Variants in SAMSN1 observed in about 807,000 individuals in gnomAD.
SAMSN1 encodes SAM domain, SH3 domain and nuclear localization signals 1.
Under a neutral mutation model 42.0 loss-of-function variants are expected in SAMSN1, and 31 were observed. The observed-to-expected ratio is 0.74, with a 90% CI of 0.55 to 1.00. SAMSN1 has a LOEUF of 1.00. Ranked by LOEUF, SAMSN1 falls within the 50% of genes least tolerant of loss-of-function variation. The probability of loss-of-function intolerance (pLI) is 0.00; values close to 1 mark genes in which losing one functional copy is unlikely to be tolerated. For missense variants in SAMSN1, 464 were observed against 439.4 expected (o/e 1.06, Z -0.50); for synonymous variants, 178 against 151.9 (o/e 1.17, Z -1.26).
chr21:14,587,417 C>G (rs1981950254), upstream of SAMSN1, among the ~76,000 whole-genome samples: 1 of 152,106 alleles, frequency 6.6e-6, no homozygotes, highest in Non-Finnish European at 1.5e-5. Flanking sequence ...CTTCTGGAAA[C>G]ACTCTCTTTT....
chr21:14,658,006 T>A (rs771425746), intron 1 of SAMSN1, among the ~76,000 whole-genome samples: 1 of 151,848 alleles, frequency 6.6e-6, no homozygotes, highest in Non-Finnish European at 1.5e-5. Flanking sequence ...ATCGACATCT[T>A]GAAAAACCAA....
At chr21:14,541,987 G>GAAAA (rs3993033) in intron 1 of SAMSN1, among the ~76,000 whole-genome samples, 7 of 141,500 alleles carry the variant, frequency 4.9e-5, no homozygotes, top group South Asian at 2.2e-4. Context: ...ATGAGACCCT[G>GAAAA]AAAAAAAAAA....
At chr21:14,626,053 T>G (rs1417865054) in intron 2 of SAMSN1, among the ~76,000 whole-genome samples, 1 of 152,152 alleles carries the variant, frequency 6.6e-6, no homozygotes, top group Non-Finnish European at 1.5e-5. Context: ...TAATAAATGG[T>G]GCTGGGAATA....
At chr21:14,560,578 G>T (rs1028256524) in intron 2 of SAMSN1, among the ~76,000 whole-genome samples, 1 of 152,160 alleles carries the variant, frequency 6.6e-6, no homozygotes, top group African/African-American at 2.4e-5. Flanking sequence ...TCTGCATTCT[G>T]TTTGTCTGTT....
intron 2 of SAMSN1, among the ~76,000 whole-genome samples, chr21:14,557,625 G>A (rs754611879): frequency 2.7e-4 from 41 of 152,152 alleles, no homozygotes; most frequent in African/African-American, 9.2e-4. Flanking sequence ...AAATTTCTAC[G>A]GGGAATTCAC....
At chr21:14,587,772 A>AT (rs902441455), upstream of SAMSN1, among the ~76,000 whole-genome samples, 17 of 138,108 alleles carry the variant, frequency 1.2e-4, no homozygotes, top group Non-Finnish European at 1.9e-4. Flanking sequence ...TATTTTTTAA[A>AT]TTTTTTTTAT....
In SAMSN1 at chr21:14,577,275, TATATA is replaced by T. The variant is rs1484692372; in HGVS notation, c.261+4856_261+4860del. 1.5e-3 allele frequency among the ~76,000 whole-genome samples: 79 copies of T among 54,158 alleles called. 8 individuals are homozygous for T. The highest frequency in any genetic ancestry group is 4.7e-3 in the South Asian group (8 of 1,688). The allele number at this position is 54,158 out of a possible 152,430, so 35.5% of individuals were successfully genotyped here. A position where few individuals can be genotyped will look rare whatever the true frequency, so the allele number is the denominator to read the frequency against. ...ATATATATATATATATATATATATA[TATATA>T]TATATTTTTTTTTTAGAAGAGACAG... On this transcript the variant is annotated intron_variant, in intron 2 of 8. Coordinates refer to the SAMSN1 transcript ENST00000285670.
intron 1 of SAMSN1, among the ~76,000 whole-genome samples, chr21:14,658,098 T>A (rs1328311443): frequency 6.6e-6 from 1 of 151,850 alleles, no homozygotes; most frequent in Non-Finnish European, 1.5e-5. Context: ...TGGCAGATGG[T>A]CACAATTGCA....
At chr21:14,530,977 C>T (rs1343002640) in intron 1 of SAMSN1, among the ~76,000 whole-genome samples, 2 of 151,998 alleles carry the variant, frequency 1.3e-5, no homozygotes, top group African/African-American at 2.4e-5. Context: ...TTTTATTTTT[C>T]TATTTATTAT....
intron 1 of SAMSN1, among the ~76,000 whole-genome samples, chr21:14,525,040 C>G (rs182546009): frequency 1.2e-4 from 18 of 152,190 alleles, no homozygotes; most frequent in African/African-American, 4.3e-4. Context: ...AATAGTTCAT[C>G]AACTAAATAG....
At chr21:14,577,466 T>C (rs1191521820) in intron 2 of SAMSN1, among the ~76,000 whole-genome samples, 1 of 150,706 alleles carries the variant, frequency 6.6e-6, no homozygotes, top group South Asian at 2.1e-4. Context: ...TCTGAAAAAG[T>C]CTCCCAGATT....
chr21:14,514,535 G>C (rs1364165404), intron 3 of SAMSN1, among the ~76,000 whole-genome samples: 2 of 152,158 alleles, frequency 1.3e-5, no homozygotes, highest in Non-Finnish European at 2.9e-5. Context: ...GTCTAAAGCA[G>C]GAATAGTTTA....
chr21:14,633,407 C>T (rs1200015680), intron 2 of SAMSN1, among the ~76,000 whole-genome samples: 1 of 152,198 alleles, frequency 6.6e-6, no homozygotes, highest in Non-Finnish European at 1.5e-5. Context: ...TTTAGTGCAG[C>T]ATGGGGCCTT....
At chr21:14,555,394 C>G (rs913161476) in intron 2 of SAMSN1, among the ~76,000 whole-genome samples, 1 of 152,150 alleles carries the variant, frequency 6.6e-6, no homozygotes, top group Admixed American at 6.6e-5. Flanking sequence ...TTTATTAACT[C>G]CAAGTCTCTT....
At chr21:14,566,339 A>T (rs1048445738) in intron 2 of SAMSN1, among the ~76,000 whole-genome samples, 1 of 152,156 alleles carries the variant, frequency 6.6e-6, no homozygotes, top group African/African-American at 2.4e-5. Flanking sequence ...CAAAATCATT[A>T]ATTTTGTTAC....
At chr21:14,656,316 A>G (rs1034033079) in intron 1 of SAMSN1, among the ~76,000 whole-genome samples, 7 of 151,844 alleles carry the variant, frequency 4.6e-5, no homozygotes, top group African/African-American at 1.7e-4. Flanking sequence ...AATTATTAAT[A>G]TTTTAATAAG....
intron 2 of SAMSN1, among the ~76,000 whole-genome samples, chr21:14,616,778 A>C (rs1292457664): frequency 6.6e-6 from 1 of 152,218 alleles, no homozygotes; most frequent in African/African-American, 2.4e-5. Context: ...ATACTAAAGA[A>C]AATTGCAACG....
chr21:14,583,565 A>G, upstream of SAMSN1: 1 of 656,210 alleles, frequency 1.5e-6, no homozygotes, highest in Non-Finnish European at 2.8e-6. Flanking sequence ...TTATCTTAAG[A>G]CTTTATCAAA....
At chr21:14,592,782 G>T (rs1474494430) in intron 7 of SAMSN1, 2 of 207,904 alleles carry the variant, frequency 9.6e-6, no homozygotes. Context: ...AGTGGCCTAA[G>T]AGCACAGTCC....
Sources: allele counts gnomAD v4.1 joint callset (sites outside exome capture counted in the v4.1 genomes callset), GRCh38; gene constraint gnomAD v4.1.1; transcripts MANE v1.5; gene names NCBI Gene and HGNC (gene_info 2026-07-23, HGNC 2026-07-21).